The following FRMD5 variants were observed in gnomAD, a reference collection of about 807,000 sequenced individuals.
FRMD5 encodes the protein FERM domain containing 5.
FRMD5 carries 20 observed loss-of-function variants against 69.0 expected under a neutral mutation model. The observed-to-expected ratio is 0.29, with a 90% confidence interval of 0.20 to 0.42. The LOEUF (loss-of-function observed/expected upper bound fraction) is 0.42, where lower values mean the gene tolerates loss of function less well. Ranked by LOEUF, FRMD5 falls within the 10% of genes least tolerant of loss-of-function variation. The probability of loss-of-function intolerance (pLI) is 1.00; values close to 1 mark genes in which losing one functional copy is unlikely to be tolerated. For missense variants in FRMD5, 595 were observed against 708.6 expected (o/e 0.84, Z 1.82); for synonymous variants, 271 against 260.1 (o/e 1.04, Z -0.40).
intron 1 of FRMD5, among the ~76,000 whole-genome samples, chr15:44,099,209 A>T (rs1367841282): frequency 2.0e-5 from 3 of 152,212 alleles, no homozygotes; most frequent in Admixed American, 6.5e-5. Flanking sequence ...CAATAAAATA[A>T]ATAGCCACAG....
At chr15:44,166,310 G>A (rs148902833) in intron 1 of FRMD5, among the ~76,000 whole-genome samples, 8 of 152,096 alleles carry the variant, frequency 5.3e-5, no homozygotes, top group Non-Finnish European at 8.8e-5. Flanking sequence ...GATGGTGGTG[G>A]TGATTATTAT....
chr15:43,879,927 G>A (rs1409154534), intron 13 of FRMD5: 5 of 328,166 alleles, frequency 1.5e-5, no homozygotes, highest in African/African-American at 8.5e-5. Flanking sequence ...TCAGGGGACT[G>A]GATTTAGTCA....
At chr15:44,056,954 A>C (rs1487931481) in intron 1 of FRMD5, among the ~76,000 whole-genome samples, 1 of 152,112 alleles carries the variant, frequency 6.6e-6, no homozygotes, top group Non-Finnish European at 1.5e-5. Flanking sequence ...TACCACTTCC[A>C]AACTTGGATG....
intron 1 of FRMD5, among the ~76,000 whole-genome samples, chr15:44,071,654 T>C (rs1893545392): frequency 6.6e-6 from 1 of 152,224 alleles, no homozygotes; most frequent in African/African-American, 2.4e-5. Flanking sequence ...AGTTGATTTT[T>C]TGAACCTAAG....
intron 1 of FRMD5, among the ~76,000 whole-genome samples, chr15:44,018,290 C>G (rs1400087871): frequency 5.3e-5 from 8 of 152,170 alleles, no homozygotes; most frequent in African/African-American, 1.9e-4. Context: ...CTCAAAGGAA[C>G]AGTTAAGCAG....
rs3742984 is a variant in FRMD5 at position 43,871,330 on chromosome 15, A to G, written c.*2555T>C. The G allele has an allele frequency of 2.4e-4, 37 of 152,358 alleles. No homozygotes were observed. The East Asian group carries it at 6.4e-3, about 26-fold the overall frequency. The allele number at this position is 152,358 out of a possible 1,614,324, so 9.4% of individuals were successfully genotyped here. ...ATGGCATAGACTACTGTACTGTTAG[A>G]ACTCTAGACACAAGGAACATACTAG... On this transcript the variant is annotated 3_prime_UTR_variant, in exon 14 of 14. Coordinates refer to ENST00000417257, the MANE Select transcript of FRMD5 (RefSeq NM_032892.5).
intron 1 of FRMD5, among the ~76,000 whole-genome samples, chr15:44,103,175 C>A (rs1222770423): frequency 6.6e-6 from 1 of 152,138 alleles, no homozygotes; most frequent in African/African-American, 2.4e-5. Flanking sequence ...GGGAACACAG[C>A]CAGCATGAGT....
chr15:43,951,282 C>T (rs1296150756), intron 1 of FRMD5, among the ~76,000 whole-genome samples: 1 of 151,820 alleles, frequency 6.6e-6, no homozygotes, highest in Non-Finnish European at 1.5e-5. Context: ...ATTACCCGGG[C>T]ATGGTGGCGG....
chr15:44,030,515 G>A (rs1595646454), intron 1 of FRMD5, among the ~76,000 whole-genome samples: 2 of 152,288 alleles, frequency 1.3e-5, no homozygotes, highest in South Asian at 4.1e-4. Flanking sequence ...AACAGGGATT[G>A]ACTCAGTGAA....
At chr15:44,087,605 GAAT>G (rs760059540) in intron 1 of FRMD5, among the ~76,000 whole-genome samples, 2 of 152,016 alleles carry the variant, frequency 1.3e-5, no homozygotes, top group Non-Finnish European at 2.9e-5. Context: ...TGAAACATGA[GAAT>G]AATAATAGAA....
chr15:44,137,071 A>C (rs1159801743), intron 1 of FRMD5, among the ~76,000 whole-genome samples: 1 of 152,232 alleles, frequency 6.6e-6, no homozygotes, highest in African/African-American at 2.4e-5. Context: ...ATGCTAATAA[A>C]ATAAATGTAA....
intron 1 of FRMD5, among the ~76,000 whole-genome samples, chr15:44,188,174 G>A (rs900763175): frequency 5.3e-5 from 8 of 151,986 alleles, no homozygotes; most frequent in Non-Finnish European, 1.2e-4. Context: ...CTGTTTTTAG[G>A]TCAGGAGAGA....
chr15:44,039,197 A>G (rs1332081125), intron 1 of FRMD5, among the ~76,000 whole-genome samples: 4 of 152,204 alleles, frequency 2.6e-5, no homozygotes, highest in Non-Finnish European at 5.9e-5. Flanking sequence ...TAAAACCCCC[A>G]TCTCCCTGGG....
intron 1 of FRMD5, among the ~76,000 whole-genome samples, chr15:44,138,256 A>T (rs1205121814): frequency 6.6e-6 from 1 of 152,218 alleles, no homozygotes; most frequent in Non-Finnish European, 1.5e-5. Flanking sequence ...TGACCTTAAA[A>T]TAAGTATTTA....
intron 1 of FRMD5, among the ~76,000 whole-genome samples, chr15:43,988,461 CAT>C (rs1400043136): frequency 2.7e-5 from 4 of 150,764 alleles, no homozygotes; most frequent in African/African-American, 7.3e-5. Context: ...ATAGTGGAAA[CAT>C]AAGTGTTTTT....
chr15:44,081,510 A>G (rs946042544), intron 1 of FRMD5, among the ~76,000 whole-genome samples: 1 of 152,104 alleles, frequency 6.6e-6, no homozygotes, highest in Non-Finnish European at 1.5e-5. Flanking sequence ...CACCAGGAAG[A>G]CACAAGTTAT....
At position 44,154,766 on chromosome 15, in the gene FRMD5, G is replaced by C. The variant is rs144083914; in HGVS notation, c.102+40187C>G. 7.2e-5 allele frequency among the ~76,000 whole-genome samples: 11 copies of C among 152,296 alleles called. 1 individual carries two copies. Among genetic ancestry groups the C allele is most frequent in the African/African-American group, 2.6e-4 (11 of 41,568 alleles). ...ACACAAAAAGTAGATTAGTCATGCG[G>C]AAGGGCTGAAAGGGAGAGGTTACAT... On this transcript the variant is annotated intron_variant, in intron 1 of 13. Transcript: ENST00000417257.
intron 12 of FRMD5, among the ~76,000 whole-genome samples, chr15:43,884,240 G>T (rs551831905): frequency 4.8e-4 from 73 of 152,316 alleles, no homozygotes; most frequent in South Asian, 8.3e-4. Flanking sequence ...GGCAAAGGCT[G>T]GTTGGCAAAT....
chr15:43,957,140 G>A (rs141975784), intron 1 of FRMD5, among the ~76,000 whole-genome samples: 130 of 152,220 alleles, frequency 8.5e-4, no homozygotes, highest in African/African-American at 3.1e-3. Flanking sequence ...TTACAGATGT[G>A]AGAACTGAGT....
Sources: gnomAD v4.1 joint callset for allele counts (sites outside exome capture counted in the v4.1 genomes callset) on GRCh38, gnomAD v4.1.1 for gene constraint, MANE v1.5 for transcripts, NCBI Gene and HGNC (gene_info 2026-07-23, HGNC 2026-07-21) for gene names.